Variants in MIGA1 observed in about 807,000 individuals in gnomAD.
The protein encoded by MIGA1 is family with sequence similarity 73, member A.
A neutral mutation model predicts 82.0 loss-of-function variants in MIGA1; 58 were observed. The observed-to-expected ratio is 0.71, with a 90% CI of 0.57 to 0.88. The LOEUF (loss-of-function observed/expected upper bound fraction) is 0.88, where lower values mean the gene tolerates loss of function less well. MIGA1 is among the 40% of genes least tolerant of loss of function. MIGA1 has a pLI of 0.00. For missense variants in MIGA1, 751 were observed against 749.1 expected (o/e 1.00, Z -0.03); for synonymous variants, 249 against 253.6 (o/e 0.98, Z 0.17).
At chr1:77,830,221 A>G (rs1684192212) in intron 7 of MIGA1, among the ~76,000 whole-genome samples, 1 of 152,092 alleles carries the variant, frequency 6.6e-6, no homozygotes, top group Non-Finnish European at 1.5e-5. Flanking sequence ...AGTAACCTTT[A>G]TATCTGTGAA....
chr1:77,816,892 A>G (rs1479653548), intron 7 of MIGA1, among the ~76,000 whole-genome samples: 1 of 152,232 alleles, frequency 6.6e-6, no homozygotes, highest in African/African-American at 2.4e-5. Flanking sequence ...AGTTAGAAAA[A>G]TGGTGAAGTG....
At chr1:77,792,786 CTT>C (rs888755051) in intron 2 of MIGA1, among the ~76,000 whole-genome samples, 9 of 121,592 alleles carry the variant, frequency 7.4e-5, no homozygotes, top group Admixed American at 2.6e-4. Context: ...GGATTGTTTG[CTT>C]TTTTTTTTTT....
At chr1:77,860,213 A>C in intron 11 of MIGA1, 87 bp downstream of exon 11, 1 of 904,262 alleles carries the variant, frequency 1.1e-6, no homozygotes, top group Non-Finnish European at 1.7e-6. Context: ...TAAATTTTTG[A>C]TAGAAGAAAA....
At chr1:77,785,736 C>T (rs1322557702) in intron 2 of MIGA1, among the ~76,000 whole-genome samples, 3 of 152,204 alleles carry the variant, frequency 2.0e-5, no homozygotes, top group Admixed American at 2.0e-4. Flanking sequence ...TTCCCATGGT[C>T]GTAGGTAGCT....
At chr1:77,814,497 A>G (rs959624117) in intron 6 of MIGA1, among the ~76,000 whole-genome samples, 2 of 152,132 alleles carry the variant, frequency 1.3e-5, no homozygotes, top group East Asian at 1.9e-4. Context: ...CCTGGGCTCA[A>G]TCAATTCTTC....
At chr1:77,809,514 C>T (rs1683233629) in intron 5 of MIGA1, among the ~76,000 whole-genome samples, 1 of 151,968 alleles carries the variant, frequency 6.6e-6, no homozygotes, top group Non-Finnish European at 1.5e-5. Flanking sequence ...GTGGGAGGAT[C>T]CCTTGAGCAC....
At chr1:77,851,714 G>A (rs1685057964) in intron 8 of MIGA1, among the ~76,000 whole-genome samples, 2 of 152,024 alleles carry the variant, frequency 1.3e-5, no homozygotes, top group Non-Finnish European at 1.5e-5. Flanking sequence ...TATTTTAGGA[G>A]GCTTCTTTAA....
At chr1:77,808,764 G>A (rs958561865) in intron 5 of MIGA1, among the ~76,000 whole-genome samples, 1 of 152,184 alleles carries the variant, frequency 6.6e-6, no homozygotes, top group Non-Finnish European at 1.5e-5. Flanking sequence ...AAGGGTTGAT[G>A]GCTCTGTGTA....
intron 8 of MIGA1, chr1:77,847,089 C>T: frequency 1.2e-6 from 1 of 800,118 alleles, no homozygotes. Flanking sequence ...GGGCCACGTT[C>T]AGTAGATATG....
intron 7 of MIGA1, among the ~76,000 whole-genome samples, chr1:77,822,330 G>T (rs1008848414): frequency 6.6e-6 from 1 of 152,152 alleles, no homozygotes; most frequent in Non-Finnish European, 1.5e-5. Context: ...GGAGGCTGAG[G>T]CAGGAGCTTC....
intron 2 of MIGA1, among the ~76,000 whole-genome samples, chr1:77,786,485 A>G (rs960779840): frequency 1.3e-5 from 2 of 152,208 alleles, no homozygotes; most frequent in African/African-American, 2.4e-5. Context: ...TGTGCTCTGC[A>G]TCCCTTATAA....
chr1:77,780,754 C>G (rs1044128327), intron 1 of MIGA1, among the ~76,000 whole-genome samples: 1 of 151,378 alleles, frequency 6.6e-6, no homozygotes, highest in African/African-American at 2.4e-5. Flanking sequence ...CTTCTGAAAG[C>G]AAATGAAATG....
At chr1:77,810,912 C>T (rs1284832831) in intron 5 of MIGA1, 27 of 1,611,772 alleles carry the variant, frequency 1.7e-5, no homozygotes, top group Non-Finnish European at 2.3e-5. Flanking sequence ...GTTTCTTGGT[C>T]AATAATTGCA....
chr1:77,847,184 C>T (rs1684875315), intron 8 of MIGA1: 7 of 1,297,232 alleles, frequency 5.4e-6, no homozygotes, highest in South Asian at 2.4e-5. Flanking sequence ...TTGCAAAAAC[C>T]GTCAGTGTTT....
At chr1:77,831,348 A>G (rs1044571115) in intron 7 of MIGA1, among the ~76,000 whole-genome samples, 6 of 152,190 alleles carry the variant, frequency 3.9e-5, no homozygotes, top group African/African-American at 7.2e-5. Flanking sequence ...AAAAGTGGCT[A>G]TAAATGGGTA....
chr1:77,801,409 C>G lies in MIGA1; in HGVS notation c.274C>G (p.His92Asp). 1 of 1,607,658 alleles carries G rather than the reference C, an allele frequency of 6.2e-7. No homozygotes were observed. Among genetic ancestry groups the G allele is most frequent in the Non-Finnish European group, 8.5e-7 (1 of 1,178,736 alleles). The change falls in exon 3 of 16, where the codon CAC becomes GAC. Residue 92 changes from histidine to aspartate, a missense_variant. Physicochemically the swap from His to Asp is moderately conservative, Grantham distance 81. Transcript: ENST00000370791. ...TATATCTGTAATTTTTCTGGCTCAT[C>G]ACTTTAAAAGAAAACGTGGAAAGAA...
intron 8 of MIGA1, among the ~76,000 whole-genome samples, chr1:77,857,484 G>C (rs143140516): frequency 2.8e-4 from 43 of 152,020 alleles, no homozygotes; most frequent in African/African-American, 9.2e-4. Context: ...GAAGGTGCTG[G>C]GATTGCGGGC....
intron 5 of MIGA1, chr1:77,811,917 G>A: frequency 1.4e-6 from 2 of 1,426,204 alleles, no homozygotes; most frequent in Non-Finnish European, 1.8e-6. Flanking sequence ...ACCTGCCGAG[G>A]AGCCGCCCAA....
rs770129855 is a variant in MIGA1, at chr1:77,801,385, A to G, written c.250A>G (p.Ile84Val). 4 of 1,605,116 alleles carry G rather than the reference A, an allele frequency of 2.5e-6. No homozygotes were observed. Among genetic ancestry groups the G allele is most frequent in the Non-Finnish European group, 3.4e-6 (4 of 1,178,322 alleles). ...GTTTGTGGTAACTGCAGTGAGTGCTATATCTGTAATTTTTCTGGCTCATCA... is the reference window on the plus strand; with the variant it reads ...GTTTGTGGTAACTGCAGTGAGTGCTGTATCTGTAATTTTTCTGGCTCATCA... The change falls in exon 3 of 16, where the codon ATA (isoleucine) becomes GTA (valine). Residue 84 changes from isoleucine (I) to valine (V), a missense_variant. Ile to Val is a conservative substitution (Grantham distance 29). Around this residue, in one of 3 missense-constraint regions of MIGA1, gnomAD observed 482 missense variants for 439.4 expected, o/e 1.10. Coordinates refer to ENST00000370791, the MANE Select transcript of MIGA1 (RefSeq NM_198549.4).
Sources: allele counts gnomAD v4.1 joint callset (sites outside exome capture counted in the v4.1 genomes callset), GRCh38; gene constraint gnomAD v4.1.1; regional missense constraint gnomAD v4.1.1; transcripts MANE v1.5; gene names NCBI Gene and HGNC (gene_info 2026-07-23, HGNC 2026-07-21).